CRIM1: variants seen among roughly 807,000 people sequenced by gnomAD.
CRIM1 encodes the protein cysteine-rich motor neuron 1 protein.
In CRIM1, 32 loss-of-function variants were observed where a neutral mutation model predicts 116.4. That is an observed-to-expected ratio of 0.27 (90% CI 0.21 to 0.37). The LOEUF (loss-of-function observed/expected upper bound fraction) is 0.37. Among genes scored for constraint, CRIM1 ranks in the 10% least tolerant of loss-of-function variants. CRIM1 has a pLI of 1.00. For missense variants in CRIM1, 1,331 were observed against 1,354.8 expected, an observed-to-expected ratio of 0.98 and a Z score of 0.28; for synonymous variants, 590 against 509.2, an observed-to-expected ratio of 1.16 and a Z score of -2.13.
chr2:36,495,283 C>T (rs1680498543), intron 7 of CRIM1, among the ~76,000 whole-genome samples: 1 of 152,126 alleles, frequency 6.6e-6, no homozygotes. Context: ...AAATGAGAAT[C>T]TTCTGGTCTT....
At chr2:36,456,732 C>A (rs949927634) in intron 4 of CRIM1, among the ~76,000 whole-genome samples, 6 of 152,128 alleles carry the variant, frequency 3.9e-5, no homozygotes, top group Non-Finnish European at 7.3e-5. Context: ...AACAGGGGCA[C>A]GGGCCCTGCG....
chr2:36,546,933 C>A, intron 15 of CRIM1, 51 bp from the exon 16 acceptor site: 1 of 1,071,608 alleles, frequency 9.3e-7, no homozygotes, highest in Non-Finnish European at 1.4e-6. Flanking sequence ...TAAAATAATC[C>A]TTAACAATTC....
At chr2:36,506,269 G>T (rs1420795351) in intron 8 of CRIM1, among the ~76,000 whole-genome samples, 2 of 151,232 alleles carry the variant, frequency 1.3e-5, no homozygotes, top group Non-Finnish European at 2.9e-5. Context: ...ACATCTTTGG[G>T]ATGTGAGAGT....
chr2:36,492,845 C>T (rs1196346755), intron 7 of CRIM1, among the ~76,000 whole-genome samples: 2 of 152,128 alleles, frequency 1.3e-5, no homozygotes, highest in South Asian at 4.1e-4. Flanking sequence ...CCCCTCCAAC[C>T]CCCCAATCCC....
At chr2:36,469,416 G>C (rs1678313477) in intron 5 of CRIM1, among the ~76,000 whole-genome samples, 1 of 152,206 alleles carries the variant, frequency 6.6e-6, no homozygotes, top group Non-Finnish European at 1.5e-5. Context: ...CTAACAGTGA[G>C]GAGCCTGGAT....
intron 1 of CRIM1, among the ~76,000 whole-genome samples, chr2:36,386,883 T>C (rs1671205899): frequency 6.6e-6 from 1 of 152,124 alleles, no homozygotes; most frequent in Non-Finnish European, 1.5e-5. Flanking sequence ...TGAAGAGAAG[T>C]AGCTTTCTAG....
intron 1 of CRIM1, among the ~76,000 whole-genome samples, chr2:36,370,238 C>T (rs926430428): frequency 2.9e-5 from 4 of 139,952 alleles, no homozygotes; most frequent in African/African-American, 1.1e-4. Context: ...CATCATTAAA[C>T]AGTTTTTGAC....
In CRIM1 at chr2:36,479,834, A is replaced by G. The variant is rs529377769; in HGVS notation, c.1372+140A>G. 53 of 746,252 alleles carry G rather than the reference A, an allele frequency of 7.1e-5. No individual in the cohort carries two copies. In the East Asian group the frequency reaches 1.3e-3, roughly 18 times the overall value. 46.2% of individuals were successfully genotyped at this position (746,252 alleles called of 1,614,324 possible). A position where few individuals can be genotyped will look rare whatever the true frequency, so the allele number is the denominator to read the frequency against. ...TTACCAGTTGCCAACAAATTTATCA[A>G]ACAGCTCAAACTGATGATTTGAGGA... On this transcript the variant is annotated intron_variant, in intron 7 of 16. Coordinates refer to ENST00000280527, the MANE Select transcript of CRIM1 (RefSeq NM_016441.3).
chr2:36,537,869 C>T (rs1666662747), intron 14 of CRIM1, among the ~76,000 whole-genome samples: 1 of 152,186 alleles, frequency 6.6e-6, no homozygotes, highest in Admixed American at 6.5e-5. Flanking sequence ...TTGGACTAGC[C>T]TAGAGAAGAT....
chr2:36,426,760 C>G (rs371885566), intron 2 of CRIM1, among the ~76,000 whole-genome samples: 79 of 152,310 alleles, frequency 5.2e-4, no homozygotes, highest in African/African-American at 1.9e-3. Context: ...TCCCACAAGG[C>G]TCCTTTTTTG....
chr2:36,414,675 A>T (rs939991747), intron 2 of CRIM1, among the ~76,000 whole-genome samples: 1 of 152,232 alleles, frequency 6.6e-6, no homozygotes, highest in African/African-American at 2.4e-5. Flanking sequence ...AGCTCGTGGA[A>T]GAACATTCTA....
intron 12 of CRIM1, among the ~76,000 whole-genome samples, chr2:36,520,946 A>G (rs901316148): frequency 2.6e-5 from 4 of 152,190 alleles, no homozygotes; most frequent in African/African-American, 9.7e-5. Context: ...TTGTGTATGC[A>G]TTGAGAAAAT....
chr2:36,501,708 C>T (rs972642234), intron 8 of CRIM1, among the ~76,000 whole-genome samples: 7 of 151,860 alleles, frequency 4.6e-5, no homozygotes, highest in African/African-American at 1.7e-4. Context: ...GGTGACAGAG[C>T]AAGACCCTTT....
intron 12 of CRIM1, among the ~76,000 whole-genome samples, chr2:36,520,477 C>T (rs574318715): frequency 1.3e-5 from 2 of 152,242 alleles, no homozygotes; most frequent in South Asian, 4.1e-4. Flanking sequence ...CGTAGATAAC[C>T]ACGAAAAGGT....
chr2:36,481,469 A>G (rs1169817125), intron 7 of CRIM1, among the ~76,000 whole-genome samples: 1 of 152,318 alleles, frequency 6.6e-6, no homozygotes, highest in South Asian at 2.1e-4. Context: ...AAAAATTAAG[A>G]ACCTCCTGGA....
chr2:36,371,658 AT>A (rs1237935587), intron 1 of CRIM1, among the ~76,000 whole-genome samples: 5 of 152,102 alleles, frequency 3.3e-5, no homozygotes, highest in South Asian at 4.1e-4. Flanking sequence ...TTTCAGCTGT[AT>A]TTTTTTGGCA....
At chr2:36,427,212 A>AG (rs1674523417) in intron 2 of CRIM1, among the ~76,000 whole-genome samples, 1 of 150,028 alleles carries the variant, frequency 6.7e-6, no homozygotes, top group Admixed American at 6.6e-5. Flanking sequence ...AAAAAAAAAA[A>AG]GAAAGAAAAG....
Position 36,438,443 on chromosome 2 carries a change from T to A in CRIM1, c.506-2815T>A, listed in dbSNP as rs539403853. ...AACTTAATCTGCATACATTCAAGATTCGCCTTCTCCTCCTCACCTCTTTGA... is the reference window on the plus strand; with the variant it reads ...AACTTAATCTGCATACATTCAAGATACGCCTTCTCCTCCTCACCTCTTTGA... On this transcript the variant is annotated intron_variant, in intron 2 of 16. Coordinates refer to ENST00000280527, the MANE Select transcript of CRIM1 (RefSeq NM_016441.3). 1.6e-4 allele frequency among the ~76,000 whole-genome samples: 25 copies of A among 152,340 alleles called. 1 individual carries two copies. The South Asian group carries it at 5.0e-3, about 30-fold the overall frequency.
At chr2:36,513,188 A>T (rs60793434) in intron 10 of CRIM1, 3,891 of 237,156 alleles carry the variant, frequency 0.016, 139 homozygotes, top group African/African-American at 0.08. Context: ...GGGGCCCAGG[A>T]TGTCCCCATT....
Sources: gnomAD v4.1 joint callset for allele counts (sites outside exome capture counted in the v4.1 genomes callset) on GRCh38, gnomAD v4.1.1 for gene constraint, MANE v1.5 for transcripts, NCBI Gene and HGNC (gene_info 2026-07-23, HGNC 2026-07-21) for gene names.